Variants in JUP observed in about 807,000 individuals in gnomAD.
JUP encodes the protein junction plakoglobin.
A neutral mutation model predicts 71.1 loss-of-function variants in JUP; 28 were observed. The ratio of observed to expected loss-of-function variants is 0.39; its 90% CI spans 0.29 to 0.54. The LOEUF is 0.54. JUP is among the 20% of genes least tolerant of loss of function. JUP has a pLI of 0.62. For synonymous variants in JUP, 401 were observed against 438.9 expected (o/e 0.91, Z 1.08); for missense variants, 869 against 1,030.1 (o/e 0.84, Z 2.14).
Position 41,771,531 on chromosome 17 carries a change from C to T in JUP, c.208+116G>A. 4 of 928,714 alleles carry T rather than the reference C, an allele frequency of 4.3e-6. No individual in the cohort carries two copies. In the South Asian group the frequency reaches 5.6e-5, roughly 13 times the overall value. 57.5% of individuals were successfully genotyped at this position (928,714 alleles called of 1,614,324 possible). A position where few individuals can be genotyped will look rare whatever the true frequency, so the allele number is the denominator to read the frequency against. ...TGGGTGGGCCCCTAGTTAGCATGAGCTGTGCCTCCTCCCTCAGACCAGAGA... is the reference window on the plus strand; with the variant it reads ...TGGGTGGGCCCCTAGTTAGCATGAGTTGTGCCTCCTCCCTCAGACCAGAGA... On this transcript the variant is annotated intron_variant, in intron 2 of 13. Transcript: ENST00000393931.
chr17:41,767,442 G>A lies in JUP; in HGVS notation c.846C>T (p.Pro282=), dbSNP rs782262002. The change falls in exon 5 of 14, where the codon CCC becomes CCT. Residue 282 remains proline, a synonymous_variant. Coordinates refer to ENST00000393931, the MANE Select transcript of JUP (RefSeq NM_002230.4). ...KMVPLLNKNN[P]KFLAITTDCL... ...AGTCGGTGGTGATGGCCAGGAACTT[G>A]GGGTTGTTCTTGTTGAGCAGGGGCA... 6.2e-7 allele frequency: 1 copy of A among 1,614,168 alleles called. No homozygotes were observed. The highest frequency in any genetic ancestry group is 8.5e-7 in the Non-Finnish European group (1 of 1,180,030).
rs782095299 is a variant in JUP at position 41,756,157 on chromosome 17, A to T, written c.2086+18T>A. On this transcript the variant is annotated intron_variant, in intron 13 of 13. Coordinates refer to ENST00000393931, the MANE Select transcript of JUP (RefSeq NM_002230.4). Reference sequence around the variant, plus strand: ...GCCCAGGATCTCCAGGGTCCTGAAGAGCCCGGCACACACTTACCATCTCCA... The same window carrying T: ...GCCCAGGATCTCCAGGGTCCTGAAGTGCCCGGCACACACTTACCATCTCCA... 5.0e-6 allele frequency: 8 copies of T among 1,612,822 alleles called. No homozygotes were observed. The highest frequency in any genetic ancestry group is 1.3e-5 in the African/African-American group (1 of 74,900).
intron 2 of JUP, among the ~76,000 whole-genome samples, chr17:41,771,247 G>T (rs1368446886): frequency 1.3e-5 from 2 of 152,134 alleles, no homozygotes; most frequent in Admixed American, 1.3e-4. Flanking sequence ...GGCCAGGCTG[G>T]TCTCAAACTC....
At position 41,764,432 on chromosome 17, in the gene JUP, G is replaced by A. The variant is rs368975725; in HGVS notation, c.1158+281C>T. Among the ~76,000 whole-genome samples, 7 of 151,248 alleles carry A rather than the reference G, an allele frequency of 4.6e-5. No individual in the cohort carries two copies. In the South Asian group the frequency reaches 8.3e-4, roughly 18 times the overall value. On this transcript the variant is annotated intron_variant, in intron 7 of 13. Transcript: ENST00000393931. The stretch of plus-strand genomic sequence containing the variant: ...TGCCTGTAGTCCCAACTACTCGGGA[G>A]GCTGAGGCAGGAGAATCACTTGAGC...
intron 1 of JUP, among the ~76,000 whole-genome samples, chr17:41,783,687 G>A (rs1220199096): frequency 2.6e-5 from 4 of 152,030 alleles, no homozygotes; most frequent in South Asian, 2.1e-4. Context: ...TTGGGAGGCC[G>A]GGGCGGGCGA....
rs994302898 is a variant in JUP at position 41,764,640 on chromosome 17, G to C, written c.1158+73C>G. On this transcript the variant is annotated intron_variant, in intron 7 of 13. Transcript: ENST00000393931. ...CCCCCAGTCCTCCCACAGTACCTCA[G>C]GTCAGATGCCCAGACAGGAGGCTGG... 2.5e-5 allele frequency: 31 copies of C among 1,223,896 alleles called. No individual in the cohort carries two copies. In the African/African-American group the frequency reaches 3.6e-4, roughly 14 times the overall value. 75.8% of individuals were successfully genotyped at this position (1,223,896 alleles called of 1,614,324 possible).
In JUP at chr17:41,769,147, G is replaced by A. The variant is rs148484473; in HGVS notation, c.529C>T (p.Arg177Trp). Residue 177 changes from arginine to tryptophan, a missense_variant, in exon 4 of 14, where the codon CGG becomes TGG. Transcript: ENST00000393931. ...AGCTGGGGCGAGCCCATCAGGGCCC[G>A]CCGCGACGCCTCCTTCTTCGACAGC... ...NQLSKKEASR[R>W]ALMGSPQLVA... 1.1e-4 allele frequency: 170 copies of A among 1,607,056 alleles called. No individual in the cohort carries two copies. Among genetic ancestry groups the A allele is most frequent in the Non-Finnish European group, 1.3e-4 (158 of 1,179,934 alleles).
chr17:41,784,996 T>G (rs2143940867), intron 1 of JUP: 1 of 151,554 alleles, frequency 6.6e-6, no homozygotes, highest in East Asian at 1.9e-4. Flanking sequence ...CTCAGGAAAT[T>G]GGGAGCAGGG....
intron 5 of JUP, 38 bp from the exon 6 acceptor site, chr17:41,765,105 G>C: frequency 4.4e-6 from 7 of 1,603,356 alleles, no homozygotes; most frequent in Non-Finnish European, 6.0e-6. Flanking sequence ...GATGGACGGG[G>C]AATATGACAG....
chr17:41,755,987 GCCCACCCCTGGT>G, intron 13 of JUP, 92 bp from the exon 14 acceptor site: 1 of 1,468,956 alleles, frequency 6.8e-7, no homozygotes, highest in Non-Finnish European at 9.1e-7. Context: ...CTCTACCCAT[GCCCACCCCTGGT>G]GGGCCTGACC....
At chr17:41,776,078 TAAG>T in intron 1 of JUP, 6 of 726,592 alleles carry the variant, frequency 8.3e-6, no homozygotes, top group Non-Finnish European at 1.0e-5. Flanking sequence ...CACCTGGAAA[TAAG>T]GACAGGAGTG....
At chr17:41,784,386 C>T (rs1483671752) in intron 1 of JUP, among the ~76,000 whole-genome samples, 1 of 152,108 alleles carries the variant, frequency 6.6e-6, no homozygotes, top group African/African-American at 2.4e-5. Context: ...TAACTGGGTC[C>T]TACCTTCTCC....
intron 7 of JUP, among the ~76,000 whole-genome samples, 179 bp downstream of exon 7, chr17:41,764,534 G>GAAA (rs1555603054): frequency 0.017 from 1,404 of 83,666 alleles, 91 homozygotes; most frequent in African/African-American, 0.078. Flanking sequence ...GACTCCGTCA[G>GAAA]AAAAAAAAAA....
intron 1 of JUP, among the ~76,000 whole-genome samples, chr17:41,777,158 TG>T (rs1248484333): frequency 1.3e-5 from 2 of 152,152 alleles, no homozygotes; most frequent in Admixed American, 6.5e-5. Flanking sequence ...TCCCAGGCCC[TG>T]GGGAGGTCAA....
chr17:41,758,043 C>CCTG, intron 10 of JUP: 1 of 556,892 alleles, frequency 1.8e-6, no homozygotes, highest in Non-Finnish European at 3.2e-6. Flanking sequence ...AGATGTTAGA[C>CCTG]TCTTCTTGTC....
chr17:41,773,160 G>T (rs1555607614), intron 1 of JUP, among the ~76,000 whole-genome samples: 1 of 152,216 alleles, frequency 6.6e-6, no homozygotes. Context: ...CAGAACTCAG[G>T]CTGGTCCACC....
At chr17:41,772,155 C>A (rs2143744469) in intron 1 of JUP, 2 of 500,930 alleles carry the variant, frequency 4.0e-6, no homozygotes, top group South Asian at 4.0e-5. Context: ...GCAGGACAGT[C>A]AAGGGCCAGC....
rs370998940 is a variant in JUP at position 41,768,956 on chromosome 17, C to T, written c.707+13G>A. The T allele has an allele frequency of 3.1e-6, 5 of 1,589,270 alleles. No individual in the cohort carries two copies. The African/African-American group carries it at 6.7e-5, about 21-fold the overall frequency. On this transcript the variant is annotated intron_variant, in intron 4 of 13. Transcript: ENST00000393931. The stretch of plus-strand genomic sequence containing the variant: ...GGGGGTCCTGGGCTCATGCAGTGAG[C>T]AGGGTTGGGTACCTGAGCATGCGGA...
At chr17:41,770,911 C>A (rs2143720505) in intron 2 of JUP, among the ~76,000 whole-genome samples, 1 of 152,372 alleles carries the variant, frequency 6.6e-6, no homozygotes, top group South Asian at 2.1e-4. Flanking sequence ...CCTGGGGGTT[C>A]CTGGGGGCTA....
Sources: allele counts gnomAD v4.1 joint callset (sites outside exome capture counted in the v4.1 genomes callset), GRCh38; gene constraint gnomAD v4.1.1; transcripts MANE v1.5; gene names NCBI Gene and HGNC (gene_info 2026-07-23, HGNC 2026-07-21).